The following UTRN variants were observed in gnomAD, a reference collection of about 807,000 sequenced individuals.
UTRN encodes the protein dystrophin-related protein 1.
In UTRN, 283 loss-of-function variants were observed where a neutral mutation model predicts 463.9. That is an observed-to-expected ratio of 0.61 (90% CI 0.55 to 0.67). The LOEUF (loss-of-function observed/expected upper bound fraction) is 0.67. Among genes scored for constraint, UTRN ranks in the 30% least tolerant of loss-of-function variants. UTRN has a pLI of 0.00. For missense variants in UTRN, 3,922 were observed against 4,084.3 expected (o/e 0.96, Z 1.08); for synonymous variants, 1,442 against 1,431.5 (o/e 1.01, Z -0.17).
At chr6:144,565,813 G>C (rs1319711322) in intron 50 of UTRN, among the ~76,000 whole-genome samples, 2 of 152,176 alleles carry the variant, frequency 1.3e-5, no homozygotes, top group Admixed American at 6.5e-5. Context: ...TGAAGGTGAA[G>C]AAGTAGAAAC....
intron 2 of UTRN, among the ~76,000 whole-genome samples, chr6:144,378,143 C>T (rs1036198290): frequency 6.6e-6 from 1 of 152,164 alleles, no homozygotes; most frequent in Non-Finnish European, 1.5e-5. Flanking sequence ...ATGAGAAAAA[C>T]AGTCAGTGGA....
chr6:144,289,436 C>A (rs1804012163), intron 1 of UTRN, among the ~76,000 whole-genome samples: 1 of 152,162 alleles, frequency 6.6e-6, no homozygotes, highest in South Asian at 2.1e-4. Context: ...AAGAATAGCA[C>A]AATAAACACC....
In UTRN at chr6:144,473,843, G is replaced by C; in HGVS notation, c.3180+10G>C. On this transcript the variant is annotated intron_variant, in intron 24 of 74. Coordinates refer to ENST00000367545, the MANE Select transcript of UTRN (RefSeq NM_007124.3). ...GTTAGACCAGTGCTCTGTGAGTTCT[G>C]CTGATCTGGGGAACTTGTCATAAAT... The C allele has an allele frequency of 3.2e-6, 5 of 1,584,660 alleles. No individual in the cohort carries two copies. The highest frequency in any genetic ancestry group is 4.3e-6 in the Non-Finnish European group (5 of 1,156,160).
intron 2 of UTRN, among the ~76,000 whole-genome samples, chr6:144,356,039 A>G (rs1478147660): frequency 3.3e-5 from 5 of 152,232 alleles, no homozygotes; most frequent in Non-Finnish European, 7.3e-5. Flanking sequence ...TGTGAGAATG[A>G]TTCTGAAACA....
In UTRN at chr6:144,685,109, TGTAA is replaced by T. The variant is rs1258778772; in HGVS notation, c.7652+6534_7652+6537del. Reference sequence around the variant, plus strand: ...GCATACCCATAGCTTATCTCCCACTTGTAAGTGAGATCATGTAGTGTTTGGTTTT... The same window carrying T: ...GCATACCCATAGCTTATCTCCCACTTGTGAGATCATGTAGTGTTTGGTTTT... On this transcript the variant is annotated intron_variant, in intron 52 of 74. Coordinates refer to ENST00000367545, the MANE Select transcript of UTRN (RefSeq NM_007124.3). 4.6e-5 allele frequency among the ~76,000 whole-genome samples: 7 copies of T among 152,334 alleles called. No individual in the cohort carries two copies. The East Asian group carries it at 1.3e-3, about 29-fold the overall frequency.
intron 56 of UTRN, among the ~76,000 whole-genome samples, chr6:144,754,154 A>G (rs1294095427): frequency 6.6e-6 from 1 of 151,598 alleles, no homozygotes; most frequent in Non-Finnish European, 1.5e-5. Flanking sequence ...CTAACTATCT[A>G]GTTTCCTAGG....
chr6:144,648,556 G>A (rs777276932), intron 51 of UTRN, among the ~76,000 whole-genome samples: 8 of 152,080 alleles, frequency 5.3e-5, no homozygotes, highest in African/African-American at 7.2e-5. Context: ...TCAAATTAAC[G>A]TTTTCTATCA....
At chr6:144,360,586 A>C (rs1291932837) in intron 2 of UTRN, among the ~76,000 whole-genome samples, 1 of 152,176 alleles carries the variant, frequency 6.6e-6, no homozygotes, top group Non-Finnish European at 1.5e-5. Flanking sequence ...AGCTGCCCAC[A>C]CCGGCATGCC....
chr6:144,474,479 G>C, intron 24 of UTRN, 125 bp from the exon 25 acceptor site: 1 of 1,004,662 alleles, frequency 1.0e-6, no homozygotes, highest in South Asian at 2.0e-5. Context: ...TTCTTAAGTA[G>C]TTAGAAGTAC....
At chr6:144,297,240 G>C (rs1348486401) in intron 2 of UTRN, among the ~76,000 whole-genome samples, 1 of 151,914 alleles carries the variant, frequency 6.6e-6, no homozygotes, top group Admixed American at 6.6e-5. Flanking sequence ...GGAGTGTAGG[G>C]GAAGGAAGCA....
intron 58 of UTRN, 51 bp from the exon 59 acceptor site, chr6:144,771,856 G>T (rs1448660165): frequency 1.6e-5 from 24 of 1,475,386 alleles, no homozygotes; most frequent in Non-Finnish European, 2.1e-5. Flanking sequence ...TGGCCTATAT[G>T]AAGTTTTTTG....
chr6:144,556,566 G>A (rs914746282), intron 49 of UTRN, among the ~76,000 whole-genome samples: 13 of 152,286 alleles, frequency 8.5e-5, no homozygotes, highest in African/African-American at 3.1e-4. Flanking sequence ...AGATTTCATG[G>A]TGAGTACCTT....
Position 144,852,855 on chromosome 6 carries a change from G to A in UTRN, c.*1858G>A, listed in dbSNP as rs902858073. On this transcript the variant is annotated 3_prime_UTR_variant, in exon 75 of 75. Transcript: ENST00000367545. Reference sequence around the variant, plus strand: ...CTATCTGCTATTAAAGAAAAGCTACGTAAAACACTACATTGTAACCTTCTA... The same window carrying A: ...CTATCTGCTATTAAAGAAAAGCTACATAAAACACTACATTGTAACCTTCTA... 3.9e-5 allele frequency: 6 copies of A among 152,450 alleles called. No individual in the cohort carries two copies. The East Asian group carries it at 5.8e-4, about 15-fold the overall frequency. 9.4% of individuals were successfully genotyped at this position (152,450 alleles called of 1,614,324 possible). A position where few individuals can be genotyped will look rare whatever the true frequency, so the allele number is the denominator to read the frequency against.
chr6:144,522,229 A>C (rs1796169402), intron 40 of UTRN, 58 bp downstream of exon 40: 2 of 1,356,554 alleles, frequency 1.5e-6, no homozygotes, highest in Non-Finnish European at 1.9e-6. Flanking sequence ...TAGAGGAAGA[A>C]ATTTGTTCTT....
chr6:144,543,246 CAT>C (rs1333622997), intron 46 of UTRN, among the ~76,000 whole-genome samples: 1 of 152,140 alleles, frequency 6.6e-6, no homozygotes, highest in African/African-American at 2.4e-5. Context: ...GCTTGGTTAA[CAT>C]ATGTAATTAG....
rs538096014 is a variant in UTRN at position 144,294,596 on chromosome 6, TG to T, written c.79+2695del. Among the ~76,000 whole-genome samples the T allele has an allele frequency of 7.9e-5, 12 of 151,472 alleles. No homozygotes were observed. In the South Asian group the frequency reaches 2.5e-3, roughly 32 times the overall value. On this transcript the variant is annotated intron_variant, in intron 2 of 74. Coordinates refer to ENST00000367545, the MANE Select transcript of UTRN (RefSeq NM_007124.3). ...CATCTGCTCTTCCAGGTTTCTTTTT[TG>T]GGGGGAAATTGGATGAAAGTGGGGG...
intron 2 of UTRN, among the ~76,000 whole-genome samples, chr6:144,363,988 G>A (rs1779293667): frequency 1.3e-5 from 2 of 152,162 alleles, no homozygotes; most frequent in South Asian, 4.1e-4. Flanking sequence ...AGAAGAAGGT[G>A]AATCTGTCAG....
chr6:144,624,193 A>G (rs1462597509), intron 51 of UTRN, among the ~76,000 whole-genome samples: 1 of 152,152 alleles, frequency 6.6e-6, no homozygotes, highest in East Asian at 1.9e-4. Flanking sequence ...TGAGGACAGA[A>G]AGGTAAAATT....
At chr6:144,719,447 C>T (rs964360736) in intron 53 of UTRN, among the ~76,000 whole-genome samples, 2 of 152,060 alleles carry the variant, frequency 1.3e-5, no homozygotes, top group East Asian at 3.9e-4. Context: ...CGTGGTGACA[C>T]CTGCCTGTAA....
Sources: allele counts gnomAD v4.1 joint callset (sites outside exome capture counted in the v4.1 genomes callset), GRCh38; gene constraint gnomAD v4.1.1; transcripts MANE v1.5; gene names NCBI Gene and HGNC (gene_info 2026-07-23, HGNC 2026-07-21).